The following BRD10 variants were observed in gnomAD, a reference collection of about 807,000 sequenced individuals.
BRD10 encodes the protein bromodomain containing 10.
the BRD10 span, among the ~76,000 whole-genome samples, chr9:5,940,887 C>T: frequency 1.3e-5 from 2 of 152,116 alleles, no homozygotes; most frequent in African/African-American, 4.8e-5. Context: ...AAGATGTGGT[C>T]TTACATTTAA....
the BRD10 span, chr9:5,968,908 T>C: frequency 6.2e-7 from 1 of 1,612,886 alleles, no homozygotes; most frequent in South Asian, 1.1e-5. Flanking sequence ...GAACTTCCTT[T>C]TGTGTTTCAT....
chr9:5,996,759 A>G, the BRD10 span, among the ~76,000 whole-genome samples: 23 of 152,358 alleles, frequency 1.5e-4, no homozygotes, highest in Middle Eastern at 0.01. Flanking sequence ...AAAGTGCCTT[A>G]TCAACCTTGA....
chr9:5,922,566 T>G, the BRD10 span: 1 of 1,614,020 alleles, frequency 6.2e-7, no homozygotes, highest in Non-Finnish European at 8.5e-7. Context: ...GAATTTATAT[T>G]TGTTGTCTGT....
the BRD10 span, among the ~76,000 whole-genome samples, chr9:6,004,762 T>A: frequency 6.6e-6 from 1 of 152,222 alleles, no homozygotes; most frequent in East Asian, 1.9e-4. Flanking sequence ...TAGAATATTG[T>A]TTTGAAACAT....
the BRD10 span, among the ~76,000 whole-genome samples, chr9:5,949,144 A>G: frequency 6.6e-6 from 1 of 151,888 alleles, no homozygotes; most frequent in Non-Finnish European, 1.5e-5. Flanking sequence ...TATTCATTTT[A>G]AGAGGGAGCA....
At chr9:5,940,961 T>C in the BRD10 span, among the ~76,000 whole-genome samples, 2 of 152,174 alleles carry the variant, frequency 1.3e-5, no homozygotes, top group East Asian at 1.9e-4. Context: ...GAGGTTTTTT[T>C]CCTTATAAAT....
At chr9:5,920,413 A>C in the BRD10 span, 1 of 1,613,942 alleles carries the variant, frequency 6.2e-7, no homozygotes, top group Non-Finnish European at 8.5e-7. Context: ...TCCCGACTAG[A>C]CTAGTTACAT....
chr9:5,972,684 A>G, the BRD10 span, among the ~76,000 whole-genome samples: 1 of 152,214 alleles, frequency 6.6e-6, no homozygotes, highest in Non-Finnish European at 1.5e-5. Context: ...GAGTAGAAGC[A>G]GTCTGAGGCA....
the BRD10 span, among the ~76,000 whole-genome samples, chr9:5,958,074 G>C: frequency 6.6e-6 from 1 of 152,092 alleles, no homozygotes. Context: ...CCACTCTTGA[G>C]CCTAAAACAG....
At chr9:5,951,297 G>A in the BRD10 span, among the ~76,000 whole-genome samples, 4 of 148,924 alleles carry the variant, frequency 2.7e-5, no homozygotes, top group African/African-American at 9.9e-5. Context: ...AGCAGCTGAG[G>A]TCAAAACATT....
At chr9:5,964,002 C>T in the BRD10 span, among the ~76,000 whole-genome samples, 2 of 152,024 alleles carry the variant, frequency 1.3e-5, no homozygotes, top group African/African-American at 4.8e-5. Context: ...TGGGCAAGGA[C>T]TTCATGTCCA....
the BRD10 span, chr9:5,908,836 T>G: frequency 1.2e-6 from 1 of 843,570 alleles, no homozygotes; most frequent in Non-Finnish European, 1.9e-6. Flanking sequence ...TAATAATAAG[T>G]CAGTGTTAAA....
chr9:5,902,163 T>C, the BRD10 span, among the ~76,000 whole-genome samples: 2 of 152,226 alleles, frequency 1.3e-5, no homozygotes, highest in Non-Finnish European at 2.9e-5. Flanking sequence ...TGGAAAGTTA[T>C]TATTGATTCA....
chr9:5,944,861 C>T, the BRD10 span: 2 of 1,436,386 alleles, frequency 1.4e-6, no homozygotes, highest in Non-Finnish European at 1.9e-6. Flanking sequence ...ACTTTTGGAT[C>T]AACACCTACC....
chr9:5,967,711 A>AC, the BRD10 span, among the ~76,000 whole-genome samples: 2 of 145,420 alleles, frequency 1.4e-5, no homozygotes, highest in Non-Finnish European at 3.0e-5. Context: ...AAAAAAAAAA[A>AC]CACACATTTC....
chr9:5,914,409 GGTTTTTTT>G, the BRD10 span, among the ~76,000 whole-genome samples: 2 of 106,924 alleles, frequency 1.9e-5, no homozygotes, highest in Non-Finnish European at 3.6e-5. Flanking sequence ...AAATCCAGAT[GGTTTTTTT>G]TTTTTTTTTT....
At chr9:5,926,644 G>A in the BRD10 span, among the ~76,000 whole-genome samples, 1 of 151,826 alleles carries the variant, frequency 6.6e-6, no homozygotes, top group Non-Finnish European at 1.5e-5. Flanking sequence ...CCATTCTCCT[G>A]CTTCAGCCTC....
At chr9:5,977,338 G>A in the BRD10 span, among the ~76,000 whole-genome samples, 1 of 152,140 alleles carries the variant, frequency 6.6e-6, no homozygotes, top group Non-Finnish European at 1.5e-5. Context: ...GAGATGTGAG[G>A]AAGGACAAAA....
chr9:5,968,056 G>T, the BRD10 span: 158 of 1,528,332 alleles, frequency 1.0e-4, 1 homozygote, highest in Middle Eastern at 1.7e-3. Flanking sequence ...TTTTTTTGAT[G>T]ATCAATAACT....
Sources: allele counts gnomAD v4.1 joint callset (sites outside exome capture counted in the v4.1 genomes callset), GRCh38; gene constraint gnomAD v4.1.1; transcripts MANE v1.5; gene names NCBI Gene and HGNC (gene_info 2026-07-23, HGNC 2026-07-21).